The following VWA3B variants were observed in gnomAD, a reference collection of about 807,000 sequenced individuals.
The protein encoded by VWA3B is von Willebrand factor A domain-containing protein 3B.
Under a neutral mutation model 158.3 loss-of-function variants are expected in VWA3B, and 138 were observed. That is an observed-to-expected ratio of 0.87 (90% CI 0.76 to 1.00). VWA3B has a LOEUF of 1.00. VWA3B is among the 50% of genes least tolerant of loss of function. The pLI is 0.00. For synonymous variants in VWA3B, 596 were observed against 587.3 expected (o/e 1.01, Z -0.21); for missense variants, 1,555 against 1,565.1 (o/e 0.99, Z 0.11).
chr2:98,183,096 T>C (rs1241406425), intron 9 of VWA3B, among the ~76,000 whole-genome samples: 1 of 152,026 alleles, frequency 6.6e-6, no homozygotes, highest in Admixed American at 6.6e-5. Flanking sequence ...TTGAATAATT[T>C]GGCTTACAAG....
At chr2:98,290,798 A>G in intron 23 of VWA3B, 176 bp downstream of exon 23, 1 of 527,000 alleles carries the variant, frequency 1.9e-6, no homozygotes. Flanking sequence ...AAATGAGCGT[A>G]TTTGGGCCCC....
intron 22 of VWA3B, among the ~76,000 whole-genome samples, chr2:98,288,783 A>C (rs1021385135): frequency 2.6e-5 from 4 of 152,098 alleles, no homozygotes; most frequent in African/African-American, 9.7e-5. Flanking sequence ...GTAACATTTT[A>C]TTTAATATAC....
At chr2:98,173,597 A>G (rs951331905) in intron 8 of VWA3B, among the ~76,000 whole-genome samples, 5 of 152,216 alleles carry the variant, frequency 3.3e-5, no homozygotes, top group African/African-American at 9.6e-5. Flanking sequence ...GATGCTATAC[A>G]TATAACTTGG....
At chr2:98,200,978 T>C (rs963852787) in intron 12 of VWA3B, among the ~76,000 whole-genome samples, 1 of 152,248 alleles carries the variant, frequency 6.6e-6, no homozygotes, top group Admixed American at 6.5e-5. Context: ...CATTGAACTA[T>C]TAATAGGTGT....
chr2:98,317,214 A>G (rs924689445), downstream of VWA3B, among the ~76,000 whole-genome samples: 3 of 152,242 alleles, frequency 2.0e-5, no homozygotes, highest in African/African-American at 4.8e-5. Flanking sequence ...CATGAAGATG[A>G]TAGTTCCCCC....
At chr2:98,206,914 A>G in intron 12 of VWA3B, 1 of 442,902 alleles carries the variant, frequency 2.3e-6, no homozygotes. Flanking sequence ...TGGTGTTGTC[A>G]ACTTAAAAAA....
At chr2:98,222,976 G>A (rs1684633742) in intron 14 of VWA3B, among the ~76,000 whole-genome samples, 1 of 152,172 alleles carries the variant, frequency 6.6e-6, no homozygotes, top group Non-Finnish European at 1.5e-5. Context: ...CAATTTGAAT[G>A]AGAAATGACA....
At chr2:98,246,330 A>G (rs1686391827) in intron 19 of VWA3B, among the ~76,000 whole-genome samples, 1 of 152,028 alleles carries the variant, frequency 6.6e-6, no homozygotes. Context: ...CTCCTTCTCC[A>G]GAGATAAACC....
chr2:98,315,993 G>A (rs774341859), downstream of VWA3B, among the ~76,000 whole-genome samples: 41 of 152,182 alleles, frequency 2.7e-4, no homozygotes, highest in African/African-American at 9.2e-4. Context: ...ATGTAGTTAC[G>A]TTCTATACAG....
At chr2:98,164,006 C>T (rs186373017) in intron 8 of VWA3B, among the ~76,000 whole-genome samples, 24 of 152,256 alleles carry the variant, frequency 1.6e-4, no homozygotes, top group African/African-American at 5.3e-4. Context: ...GTCGAGTTGC[C>T]GGTGCTCTTC....
intron 25 of VWA3B, among the ~76,000 whole-genome samples, chr2:98,301,268 C>T (rs760309256): frequency 2.0e-5 from 3 of 149,992 alleles, no homozygotes; most frequent in East Asian, 1.9e-4. Flanking sequence ...CCAGCCTGGG[C>T]GACACAGCAA....
intron 9 of VWA3B, among the ~76,000 whole-genome samples, chr2:98,187,163 C>T (rs79238014): frequency 1.4e-3 from 218 of 152,258 alleles, no homozygotes; most frequent in African/African-American, 5.1e-3. Flanking sequence ...GAGGTTCTAA[C>T]TTGTCCGGTC....
At chr2:98,157,729 C>T (rs886296139) in intron 7 of VWA3B, among the ~76,000 whole-genome samples, 8 of 152,222 alleles carry the variant, frequency 5.3e-5, no homozygotes, top group Admixed American at 6.5e-5. Context: ...ACTGCAAGCT[C>T]GCCACCTGGC....
At chr2:98,143,757 T>C (rs112932727) in intron 7 of VWA3B, among the ~76,000 whole-genome samples, 62 of 150,060 alleles carry the variant, frequency 4.1e-4, no homozygotes, top group African/African-American at 9.2e-4. Flanking sequence ...CTTTTCTTTT[T>C]TTTTTTTTTT....
the VWA3B span, among the ~76,000 whole-genome samples, chr2:98,330,198 A>G: frequency 6.6e-6 from 1 of 152,154 alleles, no homozygotes; most frequent in Non-Finnish European, 1.5e-5. Flanking sequence ...AACATCAGAC[A>G]TTTGCTTACA....
chr2:98,244,033 G>A (rs1441472684), intron 19 of VWA3B, among the ~76,000 whole-genome samples: 5 of 152,294 alleles, frequency 3.3e-5, no homozygotes, highest in African/African-American at 7.2e-5. Flanking sequence ...ATTTCAAAAT[G>A]TTTTGTGATT....
At chr2:98,121,275 A>G in intron 4 of VWA3B, 24 bp from the exon 5 acceptor site, 2 of 1,604,484 alleles carry the variant, frequency 1.2e-6, no homozygotes, top group Non-Finnish European at 8.5e-7. Context: ...CTGCCCAGTG[A>G]CCACTCCATG....
chr2:98,175,085 A>C (rs1397332919), intron 8 of VWA3B, among the ~76,000 whole-genome samples: 1 of 152,196 alleles, frequency 6.6e-6, no homozygotes, highest in Non-Finnish European at 1.5e-5. Context: ...TTTATTATTT[A>C]AAATGTCCAG....
intron 6 of VWA3B, among the ~76,000 whole-genome samples, chr2:98,129,203 A>AGGG (rs1277426339): frequency 1.4e-4 from 16 of 113,624 alleles, no homozygotes; most frequent in Admixed American, 3.2e-4. Context: ...TGAGAGAGAG[A>AGGG]GAGGAGAGAG....
Sources: gnomAD v4.1 joint callset for allele counts (sites outside exome capture counted in the v4.1 genomes callset) on GRCh38, gnomAD v4.1.1 for gene constraint, MANE v1.5 for transcripts, NCBI Gene and HGNC (gene_info 2026-07-23, HGNC 2026-07-21) for gene names.